The following TRMT5 variants were observed in gnomAD, a reference collection of about 807,000 sequenced individuals.
TRMT5 encodes tRNA (guanine(37)-N(1))-methyltransferase.
Under a neutral mutation model 42.2 loss-of-function variants are expected in TRMT5, and 31 were observed. That is an observed-to-expected ratio of 0.73 (90% CI 0.55 to 0.99). The LOEUF is 0.99. TRMT5 is among the 50% of genes least tolerant of loss of function. The probability of loss-of-function intolerance (pLI) is 0.00; values close to 1 mark genes in which losing one functional copy is unlikely to be tolerated. For synonymous variants in TRMT5, 198 were observed against 209.6 expected (o/e 0.94, Z 0.48); for missense variants, 568 against 595.0 (o/e 0.95, Z 0.47).
chr14:60,981,468 C>T (rs113672433), upstream of TRMT5: 3 of 1,541,460 alleles, frequency 1.9e-6, no homozygotes, highest in Non-Finnish European at 8.7e-7. Flanking sequence ...AAAGGAGGAC[C>T]GCACCGGGAC....
At chr14:60,981,510 A>T (rs539434831), upstream of TRMT5, 7 of 1,533,430 alleles carry the variant, frequency 4.6e-6, no homozygotes, top group African/African-American at 5.5e-5. Flanking sequence ...ACCCTGGGGG[A>T]TGGGGTCTGA....
chr14:60,980,622 A>T (rs1313187482), intron 1 of TRMT5, among the ~76,000 whole-genome samples: 4 of 152,322 alleles, frequency 2.6e-5, no homozygotes, highest in East Asian at 1.9e-4. Context: ...GTCTTCTAAA[A>T]TACCAAAGAA....
rs1388285009 is a variant in TRMT5 at position 60,975,490 on chromosome 14, G to A, written c.1429C>T (p.Gln477Ter). Residue 477 changes from glutamine (Q) to a stop codon, truncating the protein, a stop_gained, in exon 4 of 5, where the codon CAG (glutamine) becomes TAG (stop). Coordinates refer to ENST00000261249, the MANE Select transcript of TRMT5 (RefSeq NM_020810.3). LOFTEE classifies it high-confidence loss of function. ...QIPASVLYKN[Q>*]TRNPENHEDP... is the part of the protein sequence containing the mutation. ...AACTGCTCACCTGGATTTCTGGTCT[G>A]GTTCTTGTAGAGGACAGAGGCAGGA... 6.2e-7 allele frequency: 1 copy of A among 1,611,644 alleles called. No individual in the cohort carries two copies. Among genetic ancestry groups the A allele is most frequent in the Non-Finnish European group, 8.5e-7 (1 of 1,178,158 alleles).
At position 60,975,717 on chromosome 14, in the gene TRMT5, C is replaced by G; in HGVS notation, c.1202G>C (p.Trp401Ser). Residue 401 changes from tryptophan to serine, a missense_variant, in exon 4 of 5, where the codon TGG (tryptophan) becomes TCG (serine). Transcript: ENST00000261249. ...GCTGCATGGCTGCCCATCTAAAAGCCACTTGAAAGCACTAAGAAACTCTAT... is the reference window on the plus strand; with the variant it reads ...GCTGCATGGCTGCCCATCTAAAAGCGACTTGAAAGCACTAAGAAACTCTAT... ...KAIEFLSAFK[W>S]LLDGQPCSSE... The G allele has an allele frequency of 6.2e-7, 1 of 1,614,204 alleles. No homozygotes were observed. Among genetic ancestry groups the G allele is most frequent in the Non-Finnish European group, 8.5e-7 (1 of 1,180,048 alleles).
rs1367846195 is a variant in TRMT5, at chr14:60,973,408, A to T, written c.*1701T>A. On this transcript the variant is annotated 3_prime_UTR_variant, in exon 5 of 5. Transcript: ENST00000261249. ...CACATGGCGAAGGCAGGAGCAAGAG[A>T]GTGTGGGGGGCGAGTGCCACATACT... The T allele has an allele frequency of 6.6e-6, 1 of 152,366 alleles. No individual in the cohort carries two copies. The highest frequency in any genetic ancestry group is 2.4e-5 in the African/African-American group (1 of 41,450). The allele number at this position is 152,366 out of a possible 1,614,324, so 9.4% of individuals were successfully genotyped here.
At chr14:60,981,647 C>T (rs1252917545), upstream of TRMT5, 5 of 1,441,372 alleles carry the variant, frequency 3.5e-6, no homozygotes, top group South Asian at 4.9e-5. Context: ...AAGCTGCGAA[C>T]ATGATGGGAT....
At chr14:60,980,919 T>A (rs2036961317) in intron 1 of TRMT5, 44 bp downstream of exon 1, 1 of 1,612,286 alleles carries the variant, frequency 6.2e-7, no homozygotes, top group East Asian at 2.2e-5. Context: ...GGCGGGCTGG[T>A]ACCTCCCCTG....
rs1285600271 is a variant in TRMT5, at chr14:60,972,687, C to G, written c.*2422G>C. ...GTTCTAAGTAAGTGTTCCCTGTGAT[C>G]AAAATCAGTTGTAAATGATTGCCTA... is the stretch of plus-strand genomic sequence containing the variant. On this transcript the variant is annotated 3_prime_UTR_variant, in exon 5 of 5. Coordinates refer to ENST00000261249, the MANE Select transcript of TRMT5 (RefSeq NM_020810.3). The G allele has an allele frequency of 1.5e-5, 4 of 266,864 alleles. No individual in the cohort carries two copies. The highest frequency in any genetic ancestry group is 9.0e-5 in the African/African-American group (4 of 44,304). The allele number at this position is 266,864 out of a possible 1,614,324, so 16.5% of individuals were successfully genotyped here.
Position 60,979,230 on chromosome 14 carries a change from C to G in TRMT5, c.667+1G>C. On this transcript the variant is annotated splice_donor_variant, in intron 2 of 4. Coordinates refer to ENST00000261249, the MANE Select transcript of TRMT5 (RefSeq NM_020810.3). LOFTEE classifies it high-confidence loss of function. ...CATGAATATTACTATGACACACGTA[C>G]CAATTAAATGTTTGAAAGGCAGCTG... 5 of 1,594,728 alleles carry G rather than the reference C, an allele frequency of 3.1e-6. No individual in the cohort carries two copies. The highest frequency in any genetic ancestry group is 2.6e-6 in the Non-Finnish European group (3 of 1,170,710).
chr14:60,981,247 A>G (rs776444642), upstream of TRMT5: 22 of 1,573,610 alleles, frequency 1.4e-5, no homozygotes, highest in Non-Finnish European at 1.9e-5. Context: ...AGAGGCTCGT[A>G]GATGGAACTG....
In TRMT5 at chr14:60,977,282, G is replaced by A. The variant is rs536199120; in HGVS notation, c.792+232C>T. On this transcript the variant is annotated intron_variant, in intron 3 of 4. Coordinates refer to ENST00000261249, the MANE Select transcript of TRMT5 (RefSeq NM_020810.3). ...TGGACAACTTATTTTAACAAATATGGAGCTAAAAAACCTTTAATGATGGAA... is the reference window on the plus strand; with the variant it reads ...TGGACAACTTATTTTAACAAATATGAAGCTAAAAAACCTTTAATGATGGAA... Among the ~76,000 whole-genome samples the A allele has an allele frequency of 5.9e-5, 9 of 152,132 alleles. No individual in the cohort carries two copies. In the South Asian group the frequency reaches 1.9e-3, roughly 32 times the overall value.
intron 1 of TRMT5, among the ~76,000 whole-genome samples, chr14:60,980,151 C>T (rs1594929852): frequency 3.9e-5 from 6 of 152,256 alleles, no homozygotes; most frequent in Admixed American, 3.9e-4. Context: ...CTCAATGATC[C>T]TCTTCACCCA....
Position 60,972,248 on chromosome 14 carries a change from C to T in TRMT5, c.*2861G>A. Reference sequence around the variant, plus strand: ...AGTTATAAAAAATGCACACACTTCACTTGGGATCTCCAGCACCTTCCCGCT... The same window carrying T: ...AGTTATAAAAAATGCACACACTTCATTTGGGATCTCCAGCACCTTCCCGCT... On this transcript the variant is annotated 3_prime_UTR_variant, in exon 5 of 5. Coordinates refer to ENST00000261249, the MANE Select transcript of TRMT5 (RefSeq NM_020810.3). 1 of 528,330 alleles carries T rather than the reference C, an allele frequency of 1.9e-6. No homozygotes were observed. Among genetic ancestry groups the T allele is most frequent in the South Asian group, 1.4e-5 (1 of 72,332 alleles). 32.7% of individuals were successfully genotyped at this position (528,330 alleles called of 1,614,324 possible).
intron 3 of TRMT5, among the ~76,000 whole-genome samples, chr14:60,976,721 TAGAATG>T (rs1239109348): frequency 6.6e-6 from 1 of 152,238 alleles, no homozygotes; most frequent in African/African-American, 2.4e-5. Context: ...AGCCAGTGTA[TAGAATG>T]AATCATTCCC....
At chr14:60,979,105 C>G (rs1356453418) in intron 2 of TRMT5, 126 bp downstream of exon 2, 4 of 858,484 alleles carry the variant, frequency 4.7e-6, no homozygotes, top group Non-Finnish European at 5.3e-6. Context: ...CAAGATCTAG[C>G]TTAAAGTTAA....
Position 60,971,778 on chromosome 14 carries a change from GGTGCCATCTCA to G in TRMT5, c.*3320_*3330del, listed in dbSNP as rs1221435838. 3.1e-5 allele frequency: 5 copies of G among 160,144 alleles called. No homozygotes were observed. Among genetic ancestry groups the G allele is most frequent in the Non-Finnish European group, 6.8e-5 (5 of 73,718 alleles). 9.9% of individuals were successfully genotyped at this position (160,144 alleles called of 1,614,324 possible). A position where few individuals can be genotyped will look rare whatever the true frequency, so the allele number is the denominator to read the frequency against. Reference sequence around the variant, plus strand: ...AAATGGAACCACTGCTCTTTTGACAGGTGCCATCTCAGTGGCATCACTGGAAAGTCCAGATT... The same window carrying G: ...AAATGGAACCACTGCTCTTTTGACAGGTGGCATCACTGGAAAGTCCAGATT... On this transcript the variant is annotated 3_prime_UTR_variant, in exon 5 of 5. Coordinates refer to ENST00000261249, the MANE Select transcript of TRMT5 (RefSeq NM_020810.3).
At chr14:60,979,146 G>A (rs1407928846) in intron 2 of TRMT5, 85 bp downstream of exon 2, 2 of 1,205,256 alleles carry the variant, frequency 1.7e-6, no homozygotes, top group South Asian at 1.6e-5. Flanking sequence ...CTGTAACTTG[G>A]CATTAAAAAA....
chr14:60,981,342 A>G (rs1305067041), upstream of TRMT5: 4 of 1,610,400 alleles, frequency 2.5e-6, no homozygotes, highest in Non-Finnish European at 3.4e-6. Context: ...CAGCAGCCTG[A>G]AGAAGCGGAG....
chr14:60,972,485 G>T lies in TRMT5; in HGVS notation c.*2624C>A. The stretch of plus-strand genomic sequence containing the variant: ...TGGGCATGGCGGCGGCGGCGGCGGC[G>T]GGATGTGGGCACCGGGTGTGGGACG... On this transcript the variant is annotated 3_prime_UTR_variant, in exon 5 of 5. Transcript: ENST00000261249. 2.1e-6 allele frequency: 1 copy of T among 480,308 alleles called. No individual in the cohort carries two copies. The highest frequency in any genetic ancestry group is 4.1e-6 in the Non-Finnish European group (1 of 241,286). The allele number at this position is 480,308 out of a possible 1,614,324, so 29.8% of individuals were successfully genotyped here. A position where few individuals can be genotyped will look rare whatever the true frequency, so the allele number is the denominator to read the frequency against.
Sources: allele counts gnomAD v4.1 joint callset (sites outside exome capture counted in the v4.1 genomes callset), GRCh38; gene constraint gnomAD v4.1.1; transcripts MANE v1.5; gene names NCBI Gene and HGNC (gene_info 2026-07-23, HGNC 2026-07-21).